The following NPLOC4 variants were observed in gnomAD, a reference collection of about 807,000 sequenced individuals.
NPLOC4 encodes NPL4 homolog, ubiquitin recognition factor.
NPLOC4 carries 18 observed loss-of-function variants against 80.6 expected under a neutral mutation model. That is an observed-to-expected ratio of 0.22 (90% CI 0.15 to 0.33). The LOEUF is 0.33. Among genes scored for constraint, NPLOC4 ranks in the 10% least tolerant of loss-of-function variants. NPLOC4 has a pLI of 1.00. For synonymous variants in NPLOC4, 313 were observed against 301.5 expected, an observed-to-expected ratio of 1.04 and a Z score of -0.39; for missense variants, 540 against 786.1, an observed-to-expected ratio of 0.69 and a Z score of 3.74.
intron 11 of NPLOC4, among the ~76,000 whole-genome samples, chr17:81,594,274 CAAAAAAAAAAAAAAAAAA>C (rs869281063): frequency 1.9e-5 from 1 of 53,666 alleles, no homozygotes; most frequent in African/African-American, 9.9e-5. Flanking sequence ...GACTCCGTCT[CAAAAAAAAAAAAAAAAAA>C]AAAAAAAAAA....
intron 13 of NPLOC4, among the ~76,000 whole-genome samples, chr17:81,570,529 G>C (rs1000946041): frequency 3.9e-5 from 6 of 152,194 alleles, no homozygotes; most frequent in African/African-American, 1.4e-4. Context: ...CTTGTAACTG[G>C]CCCTTGGAGG....
At chr17:81,606,842 T>A (rs377378349) in intron 6 of NPLOC4, 28 bp from the exon 7 acceptor site, 4 of 1,181,440 alleles carry the variant, frequency 3.4e-6, no homozygotes, top group Non-Finnish European at 3.7e-6. Flanking sequence ...AACTTAAACA[T>A]CACATTGGTG....
chr17:81,631,948 C>T (rs1017676315), intron 1 of NPLOC4, among the ~76,000 whole-genome samples: 3 of 151,448 alleles, frequency 2.0e-5, no homozygotes, highest in African/African-American at 4.9e-5. Context: ...CACAGGCGCC[C>T]ACCACCATAC....
intron 3 of NPLOC4, among the ~76,000 whole-genome samples, chr17:81,614,150 G>A (rs891146909): frequency 1.3e-5 from 2 of 151,806 alleles, no homozygotes; most frequent in East Asian, 1.9e-4. Context: ...GGTGGCGCAC[G>A]CCTGTAGTCC....
At chr17:81,611,032 T>C (rs918262267) in intron 4 of NPLOC4, among the ~76,000 whole-genome samples, 2 of 151,382 alleles carry the variant, frequency 1.3e-5, no homozygotes, top group African/African-American at 4.9e-5. Flanking sequence ...ATGTAAGTAG[T>C]TTATTGGCCA....
intron 12 of NPLOC4, among the ~76,000 whole-genome samples, chr17:81,583,537 C>T (rs2034497558): frequency 6.6e-6 from 1 of 152,194 alleles, no homozygotes; most frequent in African/African-American, 2.4e-5. Context: ...CACCTGGCTG[C>T]CCCAGAGATG....
rs189034114 is a variant in NPLOC4, at chr17:81,569,827, T to C, written c.1354-716A>G. ...CACTTTGCACCTAAGATATAATCAATAGATGCTACAGGGACAGTGGTAAAT... is the reference window on the plus strand; with the variant it reads ...CACTTTGCACCTAAGATATAATCAACAGATGCTACAGGGACAGTGGTAAAT... On this transcript the variant is annotated intron_variant, in intron 13 of 16. Coordinates refer to ENST00000331134, the MANE Select transcript of NPLOC4 (RefSeq NM_017921.4). 1.7e-4 allele frequency among the ~76,000 whole-genome samples: 26 copies of C among 152,252 alleles called. No individual in the cohort carries two copies. The East Asian group carries it at 3.7e-3, about 21-fold the overall frequency.
intron 2 of NPLOC4, among the ~76,000 whole-genome samples, chr17:81,622,743 G>A (rs2144299923): frequency 6.6e-6 from 1 of 152,134 alleles, no homozygotes; most frequent in East Asian, 1.9e-4. Flanking sequence ...TAGAGATGGA[G>A]TTTCACCATG....
intron 16 of NPLOC4, chr17:81,565,227 A>G: frequency 1.5e-6 from 1 of 652,456 alleles, no homozygotes. Flanking sequence ...TGCTCCTAGG[A>G]TGCCTGGAGA....
chr17:81,602,798 G>C (rs1860026583), intron 8 of NPLOC4, among the ~76,000 whole-genome samples: 1 of 151,708 alleles, frequency 6.6e-6, no homozygotes, highest in Non-Finnish European at 1.5e-5. Flanking sequence ...CCAGAATTTT[G>C]GTAGGCTGAG....
intron 5 of NPLOC4, among the ~76,000 whole-genome samples, chr17:81,609,160 C>T (rs1179005743): frequency 6.6e-6 from 1 of 152,204 alleles, no homozygotes; most frequent in Non-Finnish European, 1.5e-5. Context: ...GCTAGGACTA[C>T]AGGTGCACGC....
intron 16 of NPLOC4, chr17:81,564,243 G>A (rs902537609): frequency 1.3e-5 from 2 of 155,320 alleles, no homozygotes; most frequent in South Asian, 3.6e-4. Context: ...TGTACCCTGT[G>A]AATCTAAAAT....
intron 12 of NPLOC4, among the ~76,000 whole-genome samples, chr17:81,579,305 G>C (rs573629506): frequency 5.1e-4 from 77 of 152,316 alleles, no homozygotes; most frequent in Non-Finnish European, 9.6e-4. Flanking sequence ...TTGAACCAGG[G>C]AGGCGGAGAT....
Position 81,619,117 on chromosome 17 carries a change from T to C in NPLOC4, c.209+3049A>G, listed in dbSNP as rs539620410. On this transcript the variant is annotated intron_variant, in intron 3 of 16. Coordinates refer to ENST00000331134, the MANE Select transcript of NPLOC4 (RefSeq NM_017921.4). ...GGAAAACCAGAGACCTTTGTTCACT[T>C]GTTTGGCTGCTGACCTTCCCTCCAC... Among the ~76,000 whole-genome samples the C allele has an allele frequency of 3.9e-5, 6 of 152,068 alleles. No individual in the cohort carries two copies. In the South Asian group the frequency reaches 6.2e-4, roughly 16 times the overall value.
intron 2 of NPLOC4, among the ~76,000 whole-genome samples, chr17:81,623,187 T>C (rs2035709430): frequency 6.6e-6 from 1 of 151,384 alleles, no homozygotes; most frequent in African/African-American, 2.4e-5. Flanking sequence ...AGAGCAAAAC[T>C]CTGGCCGGGT....
intron 15 of NPLOC4, among the ~76,000 whole-genome samples, chr17:81,565,999 T>C (rs968490573): frequency 6.6e-6 from 1 of 152,128 alleles, no homozygotes; most frequent in Non-Finnish European, 1.5e-5. Context: ...TCTGGAAAAA[T>C]GCACTCTCTA....
chr17:81,612,913 C>A (rs76941779), intron 4 of NPLOC4: 2,419 of 162,720 alleles, frequency 0.015, 34 homozygotes, highest in Non-Finnish European at 0.021. Flanking sequence ...CACATGGATG[C>A]GCACACACAA....
chr17:81,616,329 A>AG (rs2035485097), intron 3 of NPLOC4, among the ~76,000 whole-genome samples: 1 of 38,644 alleles, frequency 2.6e-5, no homozygotes. Context: ...TCAAAAAAAA[A>AG]AAAAAAAAAG....
Position 81,567,568 on chromosome 17 carries a change from C to A in NPLOC4, c.1450-35G>T, listed in dbSNP as rs1006838188. The A allele has an allele frequency of 3.5e-5, 45 of 1,290,704 alleles. No individual in the cohort carries two copies. The East Asian group carries it at 1.1e-3, about 30-fold the overall frequency. The allele number at this position is 1,290,704 out of a possible 1,614,324, so 80.0% of individuals were successfully genotyped here. On this transcript the variant is annotated intron_variant, in intron 14 of 16. Transcript: ENST00000331134. The surrounding 1 kb of genome is among the most constrained non-coding windows in gnomAD (Gnocchi z 4.5). ...TGGGAATAAACATGAATGTTCCATA[C>A]AGTTCCCCAGTGCCAGACCCCGAAA...
Sources: gnomAD v4.1 joint callset for allele counts (sites outside exome capture counted in the v4.1 genomes callset) on GRCh38, gnomAD v4.1.1 for gene constraint, Gnocchi (gnomAD v3.1) non-coding constraint, MANE v1.5 for transcripts, NCBI Gene and HGNC (gene_info 2026-07-23, HGNC 2026-07-21) for gene names.